Variants in FRMD6 observed in about 807,000 individuals in gnomAD.
The protein encoded by FRMD6 is FERM domain containing 6.
Under a neutral mutation model 73.2 loss-of-function variants are expected in FRMD6, and 37 were observed. That is an observed-to-expected ratio of 0.51 (90% CI 0.39 to 0.66). The LOEUF (loss-of-function observed/expected upper bound fraction) is 0.66. Among genes scored for constraint, FRMD6 ranks in the 30% least tolerant of loss-of-function variants. The pLI is 0.00. For missense variants in FRMD6, 714 were observed against 780.5 expected, an observed-to-expected ratio of 0.91 and a Z score of 1.02; for synonymous variants, 273 against 282.2, an observed-to-expected ratio of 0.97 and a Z score of 0.33.
chr14:51,447,826 T>C, the FRMD6 span, among the ~76,000 whole-genome samples: 1 of 152,148 alleles, frequency 6.6e-6, no homozygotes, highest in Non-Finnish European at 1.5e-5. Flanking sequence ...TTAATGCTCC[T>C]CCCTTAGCTT....
chr14:51,682,413 T>C (rs1037091970), intron 1 of FRMD6, among the ~76,000 whole-genome samples: 1 of 152,032 alleles, frequency 6.6e-6, no homozygotes, highest in Non-Finnish European at 1.5e-5. Flanking sequence ...TAGCCAGAGA[T>C]AGGAAACAGT....
chr14:51,595,495 G>T (rs1889661512), intron 2 of FRMD6, among the ~76,000 whole-genome samples: 1 of 152,194 alleles, frequency 6.6e-6, no homozygotes, highest in African/African-American at 2.4e-5. Flanking sequence ...GGATATGAAA[G>T]TATTGTTAAC....
intron 1 of FRMD6, among the ~76,000 whole-genome samples, chr14:51,683,512 C>T (rs1235519814): frequency 6.6e-6 from 1 of 151,864 alleles, no homozygotes; most frequent in African/African-American, 2.4e-5. Flanking sequence ...TGGTCTCCAA[C>T]TCCTAACCTC....
intron 2 of FRMD6, among the ~76,000 whole-genome samples, chr14:51,621,118 C>T (rs1414484396): frequency 6.6e-6 from 1 of 152,096 alleles, no homozygotes; most frequent in Non-Finnish European, 1.5e-5. Flanking sequence ...CCCAAATCAG[C>T]ACTCAGAGGA....
At chr14:51,512,345 G>A (rs552579245) in intron 1 of FRMD6, among the ~76,000 whole-genome samples, 3 of 152,314 alleles carry the variant, frequency 2.0e-5, no homozygotes, top group Admixed American at 1.3e-4. Flanking sequence ...TTGGGCCAAA[G>A]TAAAAGGAGT....
chr14:51,575,331 C>T (rs953886126), intron 2 of FRMD6, among the ~76,000 whole-genome samples: 1 of 152,150 alleles, frequency 6.6e-6, no homozygotes, highest in African/African-American at 2.4e-5. Context: ...CATGAAATAA[C>T]CTTTACAAAG....
chr14:51,534,407 A>G (rs979750428), intron 1 of FRMD6, among the ~76,000 whole-genome samples: 2 of 152,076 alleles, frequency 1.3e-5, no homozygotes, highest in African/African-American at 4.8e-5. Flanking sequence ...ATGATGGTTG[A>G]TTTTTTTATT....
At chr14:51,503,387 T>C (rs1372318719) in intron 1 of FRMD6, among the ~76,000 whole-genome samples, 3 of 152,200 alleles carry the variant, frequency 2.0e-5, no homozygotes, top group African/African-American at 7.2e-5. Context: ...ACCTAGTTTA[T>C]TGAGAGTTTT....
At chr14:51,522,637 C>T (rs1162960813) in intron 1 of FRMD6, among the ~76,000 whole-genome samples, 1 of 152,064 alleles carries the variant, frequency 6.6e-6, no homozygotes, top group African/African-American at 2.4e-5. Flanking sequence ...ATAAAAATAT[C>T]ATGGATTTGA....
chr14:51,630,847 C>T (rs1326958591), intron 2 of FRMD6, among the ~76,000 whole-genome samples: 1 of 151,924 alleles, frequency 6.6e-6, no homozygotes, highest in East Asian at 1.9e-4. Context: ...TTACAATGGC[C>T]AATTATTACA....
intron 1 of FRMD6, among the ~76,000 whole-genome samples, chr14:51,529,420 G>T (rs1885453650): frequency 6.6e-6 from 1 of 152,190 alleles, no homozygotes; most frequent in Non-Finnish European, 1.5e-5. Context: ...AAGCACTACA[G>T]AAGTGTTTGC....
intron 2 of FRMD6, among the ~76,000 whole-genome samples, chr14:51,603,401 C>G (rs1489030460): frequency 6.6e-6 from 1 of 152,086 alleles, no homozygotes; most frequent in Non-Finnish European, 1.5e-5. Context: ...TACCAACTTT[C>G]AGATATGTTG....
intron 2 of FRMD6, among the ~76,000 whole-genome samples, chr14:51,618,726 G>A (rs1434345993): frequency 6.6e-6 from 1 of 152,114 alleles, no homozygotes; most frequent in Non-Finnish European, 1.5e-5. Context: ...GAATCTATAG[G>A]AGAAACAGGT....
At chr14:51,432,910 T>C in the FRMD6 span, among the ~76,000 whole-genome samples, 1 of 152,214 alleles carries the variant, frequency 6.6e-6, no homozygotes, top group Non-Finnish European at 1.5e-5. Flanking sequence ...CTGGCTTTGC[T>C]TTCGTGAGCA....
intron 1 of FRMD6, among the ~76,000 whole-genome samples, chr14:51,566,439 A>G (rs1039605529): frequency 3.9e-5 from 6 of 152,240 alleles, no homozygotes; most frequent in Non-Finnish European, 1.5e-5. Context: ...ATATATATGA[A>G]CAACTTTGCT....
intron 1 of FRMD6, among the ~76,000 whole-genome samples, chr14:51,661,864 T>G (rs984702151): frequency 2.0e-5 from 3 of 152,234 alleles, no homozygotes; most frequent in Admixed American, 6.5e-5. Flanking sequence ...ATATTCAATA[T>G]TGATGTGGGT....
intron 1 of FRMD6, among the ~76,000 whole-genome samples, chr14:51,526,180 C>T (rs1308958667): frequency 6.6e-6 from 1 of 152,188 alleles, no homozygotes; most frequent in Non-Finnish European, 1.5e-5. Context: ...GCCTAGAAAC[C>T]AGAGCTGAAG....
chr14:51,452,244 G>A, the FRMD6 span, among the ~76,000 whole-genome samples: 5 of 152,200 alleles, frequency 3.3e-5, no homozygotes, highest in African/African-American at 1.2e-4. Flanking sequence ...GGAAGAAGAG[G>A]ATGAAGGGGG....
intron 2 of FRMD6, among the ~76,000 whole-genome samples, chr14:51,635,227 CAAAT>C (rs1160201530): frequency 1.3e-5 from 2 of 152,108 alleles, no homozygotes; most frequent in East Asian, 1.9e-4. Context: ...CAATTCAATT[CAAAT>C]AAATAAATAA....
Sources: gnomAD v4.1 joint callset for allele counts (sites outside exome capture counted in the v4.1 genomes callset) on GRCh38, gnomAD v4.1.1 for gene constraint, MANE v1.5 for transcripts, NCBI Gene and HGNC (gene_info 2026-07-23, HGNC 2026-07-21) for gene names.